SLC35F3: variants seen among roughly 807,000 people sequenced by gnomAD.
SLC35F3 encodes putative thiamine transporter SLC35F3.
Under a neutral mutation model 49.9 loss-of-function variants are expected in SLC35F3, and 25 were observed. The ratio of observed to expected loss-of-function variants is 0.50; its 90% CI spans 0.37 to 0.70. The LOEUF is 0.70. Ranked by LOEUF, SLC35F3 falls within the 30% of genes least tolerant of loss-of-function variation. The probability of loss-of-function intolerance (pLI) is 0.00; values close to 1 mark genes in which losing one functional copy is unlikely to be tolerated. For synonymous variants in SLC35F3, 275 were observed against 265.4 expected (o/e 1.04, Z -0.35); for missense variants, 525 against 639.8 (o/e 0.82, Z 1.94).
At chr1:233,959,130 G>C (rs10910316) in intron 2 of SLC35F3, among the ~76,000 whole-genome samples, 1 of 151,848 alleles carries the variant, frequency 6.6e-6, no homozygotes, top group Admixed American at 6.6e-5. Context: ...ATTGACCTTT[G>C]TGTGTTTGAG....
chr1:234,277,297 G>T (rs753571779), intron 3 of SLC35F3, among the ~76,000 whole-genome samples: 6 of 152,206 alleles, frequency 3.9e-5, no homozygotes, highest in Admixed American at 1.3e-4. Flanking sequence ...AATGAGTGAG[G>T]GAGAGACAGG....
intron 2 of SLC35F3, among the ~76,000 whole-genome samples, chr1:234,112,441 T>TCATA (rs1665421040): frequency 6.6e-6 from 1 of 152,160 alleles, no homozygotes; most frequent in Non-Finnish European, 1.5e-5. Context: ...CTCATGTGAC[T>TCATA]CATATCAGAG....
intron 2 of SLC35F3, among the ~76,000 whole-genome samples, chr1:234,230,280 T>A (rs1169248954): frequency 2.6e-5 from 4 of 152,240 alleles, no homozygotes; most frequent in Non-Finnish European, 5.9e-5. Context: ...TTTTGCCTCA[T>A]AGACTCATAA....
chr1:234,167,309 G>A (rs1019364768), intron 2 of SLC35F3, among the ~76,000 whole-genome samples: 1 of 152,128 alleles, frequency 6.6e-6, no homozygotes, highest in Non-Finnish European at 1.5e-5. Flanking sequence ...TTTCAAGTGG[G>A]GAAACTGAGG....
intron 2 of SLC35F3, among the ~76,000 whole-genome samples, chr1:233,919,240 G>T (rs1303218832): frequency 3.9e-5 from 6 of 152,168 alleles, no homozygotes; most frequent in Admixed American, 6.5e-5. Flanking sequence ...TTGTCCTGAG[G>T]GAAGGTGGAA....
At chr1:234,106,243 C>CAGTTACCCA (rs1665283081) in intron 2 of SLC35F3, among the ~76,000 whole-genome samples, 1 of 152,186 alleles carries the variant, frequency 6.6e-6, no homozygotes, top group Non-Finnish European at 1.5e-5. Context: ...TGGCCCAGTT[C>CAGTTACCCA]TGGGCAACAA....
chr1:233,981,325 C>A (rs1418619481), intron 2 of SLC35F3, among the ~76,000 whole-genome samples: 2 of 152,144 alleles, frequency 1.3e-5, no homozygotes, highest in Non-Finnish European at 2.9e-5. Flanking sequence ...CTTTTTCTGC[C>A]GCCTCTAACC....
Position 233,905,526 on chromosome 1 carries a change from C to A in SLC35F3, c.54-3C>A, listed in dbSNP as rs1325237379. ...CACCTGCCCGTGGCGCCTGCGACCGCAGTGGCATGAGGAGGTCACCGGACG... is the reference window on the plus strand; with the variant it reads ...CACCTGCCCGTGGCGCCTGCGACCGAAGTGGCATGAGGAGGTCACCGGACG... On this transcript the variant is annotated splice_region_variant and splice_polypyrimidine_tract_variant and intron_variant, in intron 1 of 7. Coordinates refer to ENST00000366618, the MANE Select transcript of SLC35F3 (RefSeq NM_173508.4). 6.2e-6 allele frequency: 10 copies of A among 1,610,418 alleles called. No homozygotes were observed. In the Admixed American group the frequency reaches 1.2e-4, roughly 19 times the overall value.
intron 2 of SLC35F3, among the ~76,000 whole-genome samples, chr1:234,016,214 C>G (rs1363993783): frequency 6.6e-6 from 1 of 152,158 alleles, no homozygotes; most frequent in Non-Finnish European, 1.5e-5. Context: ...TGAATTAGTA[C>G]AGCCACTATG....
At chr1:234,042,162 T>A (rs1328891414) in intron 2 of SLC35F3, among the ~76,000 whole-genome samples, 1 of 152,120 alleles carries the variant, frequency 6.6e-6, no homozygotes, top group African/African-American at 2.4e-5. Context: ...ACTGACAGAG[T>A]CAGAGGAAAT....
intron 2 of SLC35F3, among the ~76,000 whole-genome samples, chr1:233,925,906 G>T (rs1001022116): frequency 1.2e-4 from 19 of 152,148 alleles, no homozygotes; most frequent in Admixed American, 2.6e-4. Context: ...TAGTTTGGCT[G>T]GATATGAAAT....
At chr1:234,004,100 A>G (rs565146012) in intron 2 of SLC35F3, among the ~76,000 whole-genome samples, 22 of 152,298 alleles carry the variant, frequency 1.4e-4, no homozygotes, top group Non-Finnish European at 1.3e-4. Context: ...GTTTTAAAAT[A>G]TCTGTCCCAG....
chr1:234,259,545 G>A (rs749257314), intron 3 of SLC35F3, among the ~76,000 whole-genome samples: 1 of 152,038 alleles, frequency 6.6e-6, no homozygotes, highest in Non-Finnish European at 1.5e-5. Flanking sequence ...GGTGGTGTGC[G>A]TACCTGTAGT....
At chr1:233,953,656 G>A (rs1289783105) in intron 2 of SLC35F3, among the ~76,000 whole-genome samples, 3 of 151,794 alleles carry the variant, frequency 2.0e-5, no homozygotes, top group Admixed American at 6.6e-5. Flanking sequence ...GGCTCTTCAG[G>A]AAGAAGATTT....
intron 2 of SLC35F3, among the ~76,000 whole-genome samples, chr1:234,065,652 G>C (rs1664606171): frequency 6.6e-6 from 1 of 152,156 alleles, no homozygotes; most frequent in Non-Finnish European, 1.5e-5. Context: ...CCACTTTGGT[G>C]GGCATGTGAT....
chr1:234,316,735 C>G lies in SLC35F3; in HGVS notation c.954+8C>G, dbSNP rs752218141. On this transcript the variant is annotated splice_region_variant and intron_variant, in intron 5 of 7. Transcript: ENST00000366618. ...ATGTCTGCCCTCTACAAGGTACGCC[C>G]GGGGAGTGAACTTTCTCAGCTGGCT... The G allele has an allele frequency of 1.9e-6, 3 of 1,594,082 alleles. No individual in the cohort carries two copies. In the East Asian group the frequency reaches 6.8e-5, roughly 36 times the overall value.
intron 2 of SLC35F3, among the ~76,000 whole-genome samples, chr1:234,104,719 A>T (rs12566425): frequency 0.14 from 21,177 of 152,254 alleles, 3,215 homozygotes; most frequent in East Asian, 0.81. Flanking sequence ...TTGTGGTTAA[A>T]GGCCTATGGA....
chr1:233,990,996 A>G (rs1663347290), intron 2 of SLC35F3, among the ~76,000 whole-genome samples: 1 of 152,168 alleles, frequency 6.6e-6, no homozygotes, highest in Non-Finnish European at 1.5e-5. Context: ...TTCAGAAGTG[A>G]GCATTGTGAA....
At chr1:234,058,558 G>T (rs1421382510) in intron 2 of SLC35F3, among the ~76,000 whole-genome samples, 3 of 151,734 alleles carry the variant, frequency 2.0e-5, no homozygotes, top group African/African-American at 7.3e-5. Context: ...TTCCCAAGCT[G>T]GTCTCAGAAC....
Sources: gnomAD v4.1 joint callset for allele counts (sites outside exome capture counted in the v4.1 genomes callset) on GRCh38, gnomAD v4.1.1 for gene constraint, MANE v1.5 for transcripts, NCBI Gene and HGNC (gene_info 2026-07-23, HGNC 2026-07-21) for gene names.